DENND1A: variants seen among roughly 807,000 people sequenced by gnomAD.
The protein encoded by DENND1A is DENN domain-containing protein 1A.
DENND1A carries 51 observed loss-of-function variants against 113.7 expected under a neutral mutation model. That is an observed-to-expected ratio of 0.45 (90% CI 0.36 to 0.57). The LOEUF (loss-of-function observed/expected upper bound fraction) is 0.57, where lower values mean the gene tolerates loss of function less well. DENND1A is among the 20% of genes least tolerant of loss of function. DENND1A has a pLI of 0.00. For synonymous variants in DENND1A, 565 were observed against 570.8 expected, an observed-to-expected ratio of 0.99 and a Z score of 0.14; for missense variants, 1,258 against 1,395.9, an observed-to-expected ratio of 0.90 and a Z score of 1.57.
intron 19 of DENND1A, chr9:123,413,732 AC>A (rs1294827489): frequency 4.0e-5 from 39 of 985,340 alleles, no homozygotes; most frequent in Non-Finnish European, 4.7e-5. Flanking sequence ...GCTGACAGCT[AC>A]CCGGGAGTTG....
chr9:123,443,062 T>C (rs2047047284), intron 18 of DENND1A, among the ~76,000 whole-genome samples: 1 of 152,118 alleles, frequency 6.6e-6, no homozygotes, highest in African/African-American at 2.4e-5. Context: ...CCCACAATGA[T>C]CACAAGGTAA....
At chr9:123,611,585 G>A (rs2060420349) in intron 10 of DENND1A, among the ~76,000 whole-genome samples, 1 of 152,106 alleles carries the variant, frequency 6.6e-6, no homozygotes, top group South Asian at 2.1e-4. Flanking sequence ...ACATAGAAGG[G>A]AGAAAGCACA....
chr9:123,457,286 G>T, intron 15 of DENND1A, 62 bp downstream of exon 15: 2 of 1,317,460 alleles, frequency 1.5e-6, no homozygotes, highest in Non-Finnish European at 1.1e-6. Flanking sequence ...GCCACTCCTT[G>T]TCAAATATGC....
At chr9:123,818,392 C>G (rs1362506587) in intron 2 of DENND1A, among the ~76,000 whole-genome samples, 2 of 152,098 alleles carry the variant, frequency 1.3e-5, no homozygotes, top group African/African-American at 4.8e-5. Context: ...GCGTGAGCCA[C>G]CGCACCTGGC....
intron 21 of DENND1A, among the ~76,000 whole-genome samples, chr9:123,396,331 C>T (rs1431431364): frequency 1.3e-5 from 2 of 152,258 alleles, no homozygotes; most frequent in Admixed American, 1.3e-4. Context: ...TGCCAGAGCT[C>T]TGCCCATGCA....
intron 19 of DENND1A, among the ~76,000 whole-genome samples, chr9:123,433,588 A>G (rs1169157870): frequency 6.6e-6 from 1 of 152,220 alleles, no homozygotes; most frequent in Non-Finnish European, 1.5e-5. Context: ...ATCCCACATC[A>G]TCATCTAACA....
At chr9:123,576,508 T>C (rs1429785763) in intron 12 of DENND1A, among the ~76,000 whole-genome samples, 1 of 150,918 alleles carries the variant, frequency 6.6e-6, no homozygotes, top group East Asian at 1.9e-4. Flanking sequence ...TAGTTTTGCC[T>C]TTTTTTTTGA....
At position 123,388,642 on chromosome 9, in the gene DENND1A, C is replaced by T. The variant is rs2042687341; in HGVS notation, c.1632-784G>A. On this transcript the variant is annotated intron_variant, in intron 21 of 23. Transcript: ENST00000394215. ...TAAATATTCATTGTTATAAAAAATG[C>T]ATCTCCCTTGTCAGCCACCTGTGAG... Among the ~76,000 whole-genome samples the T allele has an allele frequency of 2.0e-5, 3 of 152,190 alleles. No homozygotes were observed. The South Asian group carries it at 6.2e-4, about 31-fold the overall frequency.
Position 123,671,383 on chromosome 9 carries a change from A to G in DENND1A, c.373-12T>C. On this transcript the variant is annotated splice_polypyrimidine_tract_variant and intron_variant, in intron 6 of 23. Transcript: ENST00000394215. Reference sequence around the variant, plus strand: ...TTCCACTGATTTTCCTGAAAGAAATAAAAGGCCTAAGTAACAAAAGCAAGG... The same window carrying G: ...TTCCACTGATTTTCCTGAAAGAAATGAAAGGCCTAAGTAACAAAAGCAAGG... 2 of 1,613,576 alleles carry G rather than the reference A, an allele frequency of 1.2e-6. No individual in the cohort carries two copies. Among genetic ancestry groups the G allele is most frequent in the South Asian group, 1.1e-5 (1 of 90,984 alleles).
At chr9:123,800,500 T>C (rs1194972648) in intron 2 of DENND1A, among the ~76,000 whole-genome samples, 1 of 152,250 alleles carries the variant, frequency 6.6e-6, no homozygotes, top group African/African-American at 2.4e-5. Context: ...GGATTCAGCC[T>C]GAATCCATCA....
chr9:123,801,342 C>A (rs1453012166), intron 2 of DENND1A, among the ~76,000 whole-genome samples: 4 of 152,306 alleles, frequency 2.6e-5, no homozygotes, highest in Middle Eastern at 3.4e-3. Flanking sequence ...CAGCCCCTGG[C>A]AACCACCAAT....
intron 13 of DENND1A, among the ~76,000 whole-genome samples, chr9:123,514,065 G>GGGGTGT (rs1448636263): frequency 1.2e-4 from 13 of 109,300 alleles, no homozygotes; most frequent in African/African-American, 3.4e-4. Context: ...TCTATTTTGA[G>GGGGTGT]GTGTGTGTGT....
At chr9:123,505,697 G>T (rs1379431556) in intron 13 of DENND1A, among the ~76,000 whole-genome samples, 1 of 152,054 alleles carries the variant, frequency 6.6e-6, no homozygotes, top group African/African-American at 2.4e-5. Flanking sequence ...TGGCTGAACC[G>T]GAACGTGAAA....
At chr9:123,711,487 ATATATATATATATATATGTATATATG>A (rs1264632638) in intron 5 of DENND1A, among the ~76,000 whole-genome samples, 2 of 64,790 alleles carry the variant, frequency 3.1e-5, no homozygotes, top group Non-Finnish European at 5.3e-5. Context: ...AAATTAAAAA[ATATATATATATATATATGTATATATG>A]TATATATATA....
At chr9:123,567,211 G>A (rs957170518) in intron 12 of DENND1A, among the ~76,000 whole-genome samples, 1 of 152,186 alleles carries the variant, frequency 6.6e-6, no homozygotes, top group Non-Finnish European at 1.5e-5. Flanking sequence ...GTTTCACAAT[G>A]CAATCTGTGC....
chr9:123,586,723 A>G (rs915512705), intron 11 of DENND1A, among the ~76,000 whole-genome samples: 1 of 152,180 alleles, frequency 6.6e-6, no homozygotes, highest in African/African-American at 2.4e-5. Flanking sequence ...CAAGGCAACT[A>G]GGGGAATGAA....
At chr9:123,396,688 A>G (rs1472400558) in intron 21 of DENND1A, among the ~76,000 whole-genome samples, 1 of 152,162 alleles carries the variant, frequency 6.6e-6, no homozygotes, top group African/African-American at 2.4e-5. Context: ...AGAGGATCAG[A>G]CACTCCAATT....
chr9:123,823,008 A>G (rs1429457098), intron 2 of DENND1A, among the ~76,000 whole-genome samples: 1 of 152,078 alleles, frequency 6.6e-6, no homozygotes, highest in Non-Finnish European at 1.5e-5. Context: ...TCTCACATCA[A>G]CTCTATGAGG....
At chr9:123,457,294 T>C in intron 15 of DENND1A, 54 bp downstream of exon 15, 1 of 1,358,444 alleles carries the variant, frequency 7.4e-7, no homozygotes, top group South Asian at 1.2e-5. Flanking sequence ...TTGTCAAATA[T>C]GCCCTAAATG....
Sources: allele counts gnomAD v4.1 joint callset (sites outside exome capture counted in the v4.1 genomes callset), GRCh38; gene constraint gnomAD v4.1.1; transcripts MANE v1.5; gene names NCBI Gene and HGNC (gene_info 2026-07-23, HGNC 2026-07-21).